The following LRRC4C variants were observed in gnomAD, a reference collection of about 807,000 sequenced individuals.
LRRC4C encodes leucine-rich repeat-containing protein 4C.
LRRC4C carries 5 observed loss-of-function variants against 33.6 expected under a neutral mutation model. The ratio of observed to expected loss-of-function variants is 0.15; its 90% CI spans 0.08 to 0.31. LRRC4C has a LOEUF of 0.31. Ranked by LOEUF, LRRC4C falls within the 10% of genes least tolerant of loss-of-function variation. The pLI is 1.00. For missense variants in LRRC4C, 560 were observed against 796.7 expected, an observed-to-expected ratio of 0.70 and a Z score of 3.58; for synonymous variants, 329 against 302.0, an observed-to-expected ratio of 1.09 and a Z score of -0.93.
chr11:41,149,913 G>A (rs1943916725), intron 1 of LRRC4C, among the ~76,000 whole-genome samples: 1 of 152,108 alleles, frequency 6.6e-6, no homozygotes, highest in Admixed American at 6.6e-5. Flanking sequence ...TTTCAACTAA[G>A]AAGATACTCA....
chr11:40,854,036 C>T (rs1034307990), intron 2 of LRRC4C, among the ~76,000 whole-genome samples: 3 of 152,154 alleles, frequency 2.0e-5, no homozygotes, highest in Non-Finnish European at 2.9e-5. Flanking sequence ...TCAAACGATG[C>T]CTTCTTGAAA....
At chr11:41,158,424 C>G (rs1944326432) in intron 1 of LRRC4C, among the ~76,000 whole-genome samples, 3 of 152,040 alleles carry the variant, frequency 2.0e-5, no homozygotes, top group African/African-American at 7.2e-5. Context: ...GTAGAAGGAT[C>G]CCATATTCAC....
At chr11:41,259,998 G>A (rs1313623867) in intron 1 of LRRC4C, among the ~76,000 whole-genome samples, 4 of 151,770 alleles carry the variant, frequency 2.6e-5, no homozygotes, top group African/African-American at 9.7e-5. Flanking sequence ...AATATCTGTA[G>A]GTGCAAATCT....
intron 1 of LRRC4C, among the ~76,000 whole-genome samples, chr11:41,143,230 C>CAA: frequency 6.9e-6 from 1 of 145,442 alleles, no homozygotes. Flanking sequence ...AAGCAAAACT[C>CAA]AAAAAAAAAA....
Position 40,411,755 on chromosome 11 carries a change from A to G in LRRC4C, c.-269-92034T>C, listed in dbSNP as rs555606953. ...ACCTATATATTACCTTGTAATAAAT[A>G]TTAGTTACTCTCATGATTATTTCTC... On this transcript the variant is annotated intron_variant, in intron 3 of 6. Coordinates refer to ENST00000528697, the MANE Select transcript of LRRC4C (RefSeq NM_001258419.2). Among the ~76,000 whole-genome samples, 7 of 152,236 alleles carry G rather than the reference A, an allele frequency of 4.6e-5. No individual in the cohort carries two copies. The South Asian group carries it at 1.4e-3, about 32-fold the overall frequency.
intron 2 of LRRC4C, among the ~76,000 whole-genome samples, chr11:40,883,171 C>CT (rs983445822): frequency 2.6e-5 from 4 of 151,982 alleles, no homozygotes; most frequent in African/African-American, 7.2e-5. Flanking sequence ...ACCAGGCTTA[C>CT]TTTTTTTATT....
intron 2 of LRRC4C, among the ~76,000 whole-genome samples, chr11:40,891,855 G>C (rs1362842021): frequency 2.0e-5 from 3 of 152,158 alleles, no homozygotes; most frequent in Non-Finnish European, 4.4e-5. Context: ...TTCTTCGGGG[G>C]CTGGGCGTGG....
In LRRC4C at chr11:40,926,496, A is replaced by G. The variant is rs190880061; in HGVS notation, c.-407+7139T>C. 4.0e-3 allele frequency among the ~76,000 whole-genome samples: 604 copies of G among 152,332 alleles called. 5 individuals are homozygous for G. The highest frequency in any genetic ancestry group is 0.014 in the African/African-American group (562 of 41,576). ...TGAAAATACTGAAGCACTCTCTTAC[A>G]ATGCTTGATAAAAACTTTCTAAATT... On this transcript the variant is annotated intron_variant, in intron 2 of 6. Coordinates refer to ENST00000528697, the MANE Select transcript of LRRC4C (RefSeq NM_001258419.2).
At chr11:40,787,444 T>A (rs909581293) in intron 2 of LRRC4C, among the ~76,000 whole-genome samples, 13 of 152,296 alleles carry the variant, frequency 8.5e-5, no homozygotes, top group African/African-American at 3.1e-4. Flanking sequence ...GAACTGGTCC[T>A]ACTTCCGTTG....
chr11:40,625,944 A>G (rs944477909), intron 3 of LRRC4C, among the ~76,000 whole-genome samples: 2 of 152,168 alleles, frequency 1.3e-5, no homozygotes, highest in Non-Finnish European at 2.9e-5. Flanking sequence ...AGAGCAGCCA[A>G]CACGATGCTA....
intron 3 of LRRC4C, among the ~76,000 whole-genome samples, chr11:40,356,120 T>C (rs2137124160): frequency 6.6e-6 from 1 of 152,266 alleles, no homozygotes; most frequent in South Asian, 2.1e-4. Context: ...TAAAGTCAGT[T>C]TGATGATGAA....
chr11:40,457,331 A>C (rs1038526551), intron 3 of LRRC4C, among the ~76,000 whole-genome samples: 4 of 152,082 alleles, frequency 2.6e-5, no homozygotes, highest in Non-Finnish European at 5.9e-5. Context: ...ATAAATATAA[A>C]ATCAAGAGCA....
chr11:40,488,070 G>C (rs1456447587), intron 3 of LRRC4C, among the ~76,000 whole-genome samples: 1 of 152,026 alleles, frequency 6.6e-6, no homozygotes, highest in Non-Finnish European at 1.5e-5. Flanking sequence ...CTTCAACTGA[G>C]ATCTTTCAGA....
intron 2 of LRRC4C, among the ~76,000 whole-genome samples, chr11:40,771,405 T>C (rs1591675232): frequency 6.6e-6 from 1 of 152,198 alleles, no homozygotes; most frequent in South Asian, 2.1e-4. Flanking sequence ...AGGAAACCAT[T>C]TTTCCCTCCT....
Position 40,390,830 on chromosome 11 carries a change from T to C in LRRC4C, c.-269-71109A>G, listed in dbSNP as rs532053615. On this transcript the variant is annotated intron_variant, in intron 3 of 6. Transcript: ENST00000528697. The stretch of plus-strand genomic sequence containing the variant: ...CCCATTTGTGAAAACTCAGACCTCC[T>C]TCATATTGTATGGAAATAATCTCTT... 2.0e-5 allele frequency among the ~76,000 whole-genome samples: 3 copies of C among 152,244 alleles called. No individual in the cohort carries two copies. The South Asian group carries it at 6.2e-4, about 32-fold the overall frequency.
rs563970327 is a variant in LRRC4C at position 41,357,762 on chromosome 11, A to G, written c.-496+101669T>C. ...AAACCATAACTTTATAGTTATTCCA[A>G]TTTGGGATAAGACTATATTTTTATA... is the stretch of plus-strand genomic sequence containing the variant. On this transcript the variant is annotated intron_variant, in intron 1 of 6. Coordinates refer to ENST00000528697, the MANE Select transcript of LRRC4C (RefSeq NM_001258419.2). 4.6e-5 allele frequency among the ~76,000 whole-genome samples: 7 copies of G among 152,258 alleles called. No individual in the cohort carries two copies. In the South Asian group the frequency reaches 1.5e-3, roughly 32 times the overall value.
At chr11:40,885,027 A>G in intron 2 of LRRC4C, among the ~76,000 whole-genome samples, 1 of 152,000 alleles carries the variant, frequency 6.6e-6, no homozygotes, top group Non-Finnish European at 1.5e-5. Flanking sequence ...ATCGACTGGG[A>G]ACAATGTACA....
intron 4 of LRRC4C, among the ~76,000 whole-genome samples, chr11:40,277,618 C>T (rs139024270): frequency 1.5e-4 from 23 of 152,132 alleles, no homozygotes; most frequent in East Asian, 9.7e-4. Context: ...AGAGGCAGCT[C>T]AGCATAGTAT....
At chr11:41,404,810 A>C (rs1363077834) in intron 1 of LRRC4C, among the ~76,000 whole-genome samples, 1 of 152,084 alleles carries the variant, frequency 6.6e-6, no homozygotes, top group African/African-American at 2.4e-5. Context: ...TTAATGTGAC[A>C]TGTAAGTAAG....
Sources: gnomAD v4.1 joint callset for allele counts (sites outside exome capture counted in the v4.1 genomes callset) on GRCh38, gnomAD v4.1.1 for gene constraint, MANE v1.5 for transcripts, NCBI Gene and HGNC (gene_info 2026-07-23, HGNC 2026-07-21) for gene names.